CALN1: variants seen among roughly 807,000 people sequenced by gnomAD.
The protein encoded by CALN1 is calcium-binding protein 8.
Under a neutral mutation model 30.6 loss-of-function variants are expected in CALN1, and 17 were observed. That is an observed-to-expected ratio of 0.56 (90% confidence interval 0.38 to 0.83). CALN1 has a LOEUF of 0.83. Ranked by LOEUF, CALN1 falls within the 40% of genes least tolerant of loss-of-function variation. The pLI is 0.00. For missense variants in CALN1, 291 were observed against 354.9 expected, an observed-to-expected ratio of 0.82 and a Z score of 1.45; for synonymous variants, 156 against 131.4, an observed-to-expected ratio of 1.19 and a Z score of -1.28.
chr7:72,301,610 C>CAAAAAAA (rs34940935), intron 2 of CALN1, among the ~76,000 whole-genome samples: 1 of 104,310 alleles, frequency 9.6e-6, no homozygotes. Context: ...CTTTGTCTCT[C>CAAAAAAA]AAAAAAAAAA....
At chr7:72,311,482 T>TG (rs1554364411) in intron 2 of CALN1, among the ~76,000 whole-genome samples, 30 of 151,140 alleles carry the variant, frequency 2.0e-4, no homozygotes, top group African/African-American at 5.1e-4. Context: ...TTTTTCTTTT[T>TG]TGTGTGTGTG....
intron 2 of CALN1, among the ~76,000 whole-genome samples, chr7:72,366,092 T>C (rs1190570207): frequency 6.6e-6 from 1 of 152,182 alleles, no homozygotes; most frequent in Admixed American, 6.5e-5. Context: ...AAGAAATGTC[T>C]ATTGATGAGT....
chr7:72,102,916 T>G (rs769674601), intron 4 of CALN1, among the ~76,000 whole-genome samples: 4 of 151,614 alleles, frequency 2.6e-5, no homozygotes, highest in Non-Finnish European at 5.9e-5. Flanking sequence ...GTACTAAAAA[T>G]ATGAAAATTA....
At chr7:72,497,355 G>T in the CALN1 span, among the ~76,000 whole-genome samples, 1 of 152,096 alleles carries the variant, frequency 6.6e-6, no homozygotes, top group South Asian at 2.1e-4. Context: ...CAGGAGAATC[G>T]CTTGAACCTG....
At chr7:71,804,660 A>C (rs1278997105) in intron 6 of CALN1, among the ~76,000 whole-genome samples, 1 of 152,138 alleles carries the variant, frequency 6.6e-6, no homozygotes, top group Non-Finnish European at 1.5e-5. Context: ...CTCTACTAAA[A>C]ATACAAAAAT....
At chr7:72,385,082 T>C (rs62463228) in intron 2 of CALN1, among the ~76,000 whole-genome samples, 2,235 of 152,256 alleles carry the variant, frequency 0.015, 28 homozygotes, top group Non-Finnish European at 0.026. Context: ...TCATAGAGAA[T>C]TGAAAATTAA....
chr7:71,852,890 A>C (rs1413228254), intron 5 of CALN1, among the ~76,000 whole-genome samples: 3 of 152,224 alleles, frequency 2.0e-5, no homozygotes, highest in Non-Finnish European at 2.9e-5. Flanking sequence ...TGTTGAGCAC[A>C]ACCTTTACAG....
intron 6 of CALN1, among the ~76,000 whole-genome samples, chr7:71,806,720 A>ACC (rs149827306): frequency 5.1e-4 from 75 of 148,448 alleles, no homozygotes; most frequent in Admixed American, 6.1e-4. Flanking sequence ...GGTCTGAAGG[A>ACC]CCCCCCCCCA....
intron 5 of CALN1, among the ~76,000 whole-genome samples, chr7:71,962,705 T>A (rs1237782910): frequency 6.6e-6 from 1 of 152,200 alleles, no homozygotes. Context: ...GGAGAAGATT[T>A]CTCTTCCACA....
At chr7:72,207,532 A>C in intron 3 of CALN1, among the ~76,000 whole-genome samples, 1 of 152,124 alleles carries the variant, frequency 6.6e-6, no homozygotes, top group East Asian at 1.9e-4. Context: ...CCGAGGCTGG[A>C]GTGCAGTGGT....
In CALN1 at chr7:72,359,558, T is replaced by C. The variant is rs141186511; in HGVS notation, c.119+43693A>G. 7.0e-3 allele frequency among the ~76,000 whole-genome samples: 1,067 copies of C among 152,314 alleles called. 17 individuals carry two copies. Among genetic ancestry groups the C allele is most frequent in the African/African-American group, 0.025 (1,019 of 41,580 alleles). On this transcript the variant is annotated intron_variant, in intron 2 of 6. Transcript: ENST00000395275. ...GGATATGCAGGCACCACGTGCCTCC[T>C]GGTATGACACAGTGAAGATAACAAC...
chr7:71,859,383 C>T (rs1791143188), intron 5 of CALN1, among the ~76,000 whole-genome samples: 1 of 152,158 alleles, frequency 6.6e-6, no homozygotes, highest in East Asian at 1.9e-4. Flanking sequence ...GACCTCCGGA[C>T]ACCAAGTCAG....
intron 4 of CALN1, among the ~76,000 whole-genome samples, chr7:72,080,885 ATACTGGAGACAC>A (rs1288442975): frequency 1.3e-5 from 2 of 152,072 alleles, no homozygotes; most frequent in African/African-American, 4.8e-5. Context: ...CAGAGAAAGG[ATACTGGAGACAC>A]TTAGGTGCAT....
intron 5 of CALN1, among the ~76,000 whole-genome samples, chr7:71,921,046 T>A (rs1794919279): frequency 6.6e-6 from 1 of 152,198 alleles, no homozygotes; most frequent in African/African-American, 2.4e-5. Flanking sequence ...TGCGTTCATG[T>A]CCTTTGCAGG....
chr7:71,901,710 G>A lies in CALN1; in HGVS notation c.502-91218C>T, dbSNP rs77071022. Among the ~76,000 whole-genome samples, 1,341 of 152,182 alleles carry A rather than the reference G, an allele frequency of 8.8e-3. 23 individuals carry two copies. Among genetic ancestry groups the A allele is most frequent in the African/African-American group, 0.03 (1,257 of 41,524 alleles). On this transcript the variant is annotated intron_variant, in intron 5 of 6. Transcript: ENST00000395275. The stretch of plus-strand genomic sequence containing the variant: ...AATAAATGGTTCTGGAAAAACTGGA[G>A]AGCCATATGCAGAAAAATGAAATGA...
At chr7:72,385,287 G>A (rs1805146001) in intron 2 of CALN1, among the ~76,000 whole-genome samples, 1 of 152,154 alleles carries the variant, frequency 6.6e-6, no homozygotes, top group African/African-American at 2.4e-5. Context: ...TCAGCAAACA[G>A]GGTCTCAGGT....
At chr7:72,399,588 C>A (rs11978784) in intron 2 of CALN1, among the ~76,000 whole-genome samples, 1 of 152,030 alleles carries the variant, frequency 6.6e-6, no homozygotes, top group African/African-American at 2.4e-5. Flanking sequence ...GCTTTTGTTC[C>A]GTAAGTCACA....
chr7:72,240,596 G>A (rs1794763941), intron 3 of CALN1, among the ~76,000 whole-genome samples: 1 of 152,160 alleles, frequency 6.6e-6, no homozygotes, highest in Non-Finnish European at 1.5e-5. Flanking sequence ...TCAATCAACT[G>A]CTCCACATGA....
intron 3 of CALN1, among the ~76,000 whole-genome samples, chr7:72,267,976 C>T (rs1796703759): frequency 6.6e-6 from 1 of 152,162 alleles, no homozygotes; most frequent in Non-Finnish European, 1.5e-5. Flanking sequence ...CACTGCACTC[C>T]AGCCGGGGCA....
Sources: gnomAD v4.1 joint callset for allele counts (sites outside exome capture counted in the v4.1 genomes callset) on GRCh38, gnomAD v4.1.1 for gene constraint, MANE v1.5 for transcripts, NCBI Gene and HGNC (gene_info 2026-07-23, HGNC 2026-07-21) for gene names.